Variants in SAMTOR observed in about 807,000 individuals in gnomAD.
SAMTOR encodes UPF0532 protein C7orf60.
chr7:112,895,646 G>A, the SAMTOR span: 2 of 1,598,216 alleles, frequency 1.3e-6, no homozygotes, highest in South Asian at 2.2e-5. Context: ...GCATATTTAA[G>A]GCTGGAGTGG....
At chr7:112,826,957 C>T in the SAMTOR span, among the ~76,000 whole-genome samples, 5,264 of 152,138 alleles carry the variant, frequency 0.035, 156 homozygotes, top group African/African-American at 0.073. Flanking sequence ...TTTTGGTTTA[C>T]ATATTTGGAA....
the SAMTOR span, among the ~76,000 whole-genome samples, chr7:112,862,316 CAG>C: frequency 6.6e-5 from 10 of 152,104 alleles, no homozygotes; most frequent in Admixed American, 4.6e-4. Context: ...AAAAAGAAAA[CAG>C]AGGATTATTA....
At chr7:112,901,263 C>T in the SAMTOR span, among the ~76,000 whole-genome samples, 3 of 152,306 alleles carry the variant, frequency 2.0e-5, no homozygotes, top group African/African-American at 4.8e-5. Flanking sequence ...CCCCATTGCT[C>T]GCATTACTGC....
At chr7:112,872,322 A>G in the SAMTOR span, among the ~76,000 whole-genome samples, 54 of 152,352 alleles carry the variant, frequency 3.5e-4, no homozygotes, top group African/African-American at 1.3e-3. Flanking sequence ...TTGATTCAAC[A>G]CATACAAATC....
At chr7:112,876,731 C>T in the SAMTOR span, among the ~76,000 whole-genome samples, 1 of 152,196 alleles carries the variant, frequency 6.6e-6, no homozygotes, top group Admixed American at 6.5e-5. Flanking sequence ...TTCACCTGTA[C>T]TGCAGAAACA....
chr7:112,878,804 T>C, the SAMTOR span, among the ~76,000 whole-genome samples: 1 of 152,082 alleles, frequency 6.6e-6, no homozygotes. Flanking sequence ...CACTAAAAAG[T>C]TTTAGTAAAA....
chr7:112,904,700 C>G, the SAMTOR span, among the ~76,000 whole-genome samples: 1 of 151,886 alleles, frequency 6.6e-6, no homozygotes, highest in Admixed American at 6.6e-5. Flanking sequence ...GAAAAATACA[C>G]CAAATATATA....
At chr7:112,854,453 T>C in the SAMTOR span, among the ~76,000 whole-genome samples, 1 of 152,142 alleles carries the variant, frequency 6.6e-6, no homozygotes. Flanking sequence ...TATCATACCA[T>C]ACTTAAGCTT....
chr7:112,860,673 C>T, the SAMTOR span, among the ~76,000 whole-genome samples: 5 of 152,076 alleles, frequency 3.3e-5, no homozygotes, highest in African/African-American at 7.2e-5. Flanking sequence ...GAGGCCGAGG[C>T]GGGTGGATCA....
the SAMTOR span, among the ~76,000 whole-genome samples, chr7:112,846,194 T>C: frequency 1.4e-5 from 2 of 145,802 alleles, no homozygotes; most frequent in Non-Finnish European, 1.5e-5. Context: ...ACATTAATGC[T>C]AGGTATAGCT....
At chr7:112,907,842 C>T in the SAMTOR span, among the ~76,000 whole-genome samples, 15,787 of 146,292 alleles carry the variant, frequency 0.11, 915 homozygotes, top group African/African-American at 0.15. Context: ...TTCTTACTTA[C>T]TTATTTATTT....
chr7:112,904,905 G>A, the SAMTOR span, among the ~76,000 whole-genome samples: 2 of 152,180 alleles, frequency 1.3e-5, no homozygotes, highest in East Asian at 3.8e-4. Context: ...GAGGGGTGTT[G>A]GAGGGTGTGC....
the SAMTOR span, among the ~76,000 whole-genome samples, chr7:112,900,713 A>T: frequency 6.6e-6 from 1 of 152,230 alleles, no homozygotes; most frequent in African/African-American, 2.4e-5. Flanking sequence ...AACACAATAG[A>T]GAGTGCAAAA....
At chr7:112,860,790 T>C in the SAMTOR span, among the ~76,000 whole-genome samples, 3 of 151,520 alleles carry the variant, frequency 2.0e-5, no homozygotes, top group African/African-American at 7.3e-5. Context: ...CGGGCGCTTG[T>C]AGTCCCAGCT....
chr7:112,919,146 T>A, the SAMTOR span, among the ~76,000 whole-genome samples: 1 of 152,114 alleles, frequency 6.6e-6, no homozygotes, highest in African/African-American at 2.4e-5. Flanking sequence ...AGAATATACA[T>A]TTTTTTCAGC....
At chr7:112,912,981 C>T in the SAMTOR span, among the ~76,000 whole-genome samples, 8 of 152,126 alleles carry the variant, frequency 5.3e-5, no homozygotes, top group South Asian at 4.1e-4. Context: ...AAAAGCACTA[C>T]GCTAAAATCC....
the SAMTOR span, among the ~76,000 whole-genome samples, chr7:112,872,530 C>G: frequency 6.6e-6 from 1 of 152,050 alleles, no homozygotes; most frequent in Admixed American, 6.6e-5. Flanking sequence ...CTGGCAAAAG[C>G]TGGTAGCATT....
the SAMTOR span, among the ~76,000 whole-genome samples, chr7:112,886,775 C>T: frequency 6.6e-6 from 1 of 152,214 alleles, no homozygotes; most frequent in South Asian, 2.1e-4. Flanking sequence ...CACCATATCT[C>T]CCTGCCCCCA....
At chr7:112,898,332 T>C in the SAMTOR span, among the ~76,000 whole-genome samples, 1,582 of 152,308 alleles carry the variant, frequency 0.01, 29 homozygotes, top group African/African-American at 0.036. Context: ...ACACCAGCTG[T>C]GGTGGCCATG....
Sources: gnomAD v4.1 joint callset for allele counts (sites outside exome capture counted in the v4.1 genomes callset) on GRCh38, gnomAD v4.1.1 for gene constraint, MANE v1.5 for transcripts, NCBI Gene and HGNC (gene_info 2026-07-23, HGNC 2026-07-21) for gene names.